The following OXR1 variants were observed in gnomAD, a reference collection of about 807,000 sequenced individuals.
The protein encoded by OXR1 is oxidation resistance protein 1.
In OXR1, 41 loss-of-function variants were observed where a neutral mutation model predicts 104.6. That is an observed-to-expected ratio of 0.39 (90% CI 0.31 to 0.51). The LOEUF (loss-of-function observed/expected upper bound fraction) is 0.51. Among genes scored for constraint, OXR1 ranks in the 20% least tolerant of loss-of-function variants. OXR1 has a pLI of 0.77. For synonymous variants in OXR1, 348 were observed against 348.4 expected (o/e 1.00, Z 0.01); for missense variants, 955 against 1,031.9 (o/e 0.93, Z 1.02).
chr8:106,625,109 TG>T (rs980089873), intron 3 of OXR1, among the ~76,000 whole-genome samples: 14 of 152,326 alleles, frequency 9.2e-5, no homozygotes, highest in African/African-American at 3.4e-4. Flanking sequence ...ATGTTATTTC[TG>T]TTTTGTGGAT....
chr8:106,466,904 T>G (rs1821202287), intron 2 of OXR1, among the ~76,000 whole-genome samples: 1 of 151,968 alleles, frequency 6.6e-6, no homozygotes, highest in African/African-American at 2.4e-5. Context: ...TTATTTGATA[T>G]TGTACAGCTG....
intron 3 of OXR1, among the ~76,000 whole-genome samples, chr8:106,663,831 C>A (rs1341707004): frequency 6.6e-6 from 1 of 152,198 alleles, no homozygotes; most frequent in Non-Finnish European, 1.5e-5. Flanking sequence ...CCCTTGCCCA[C>A]ATGTCCATAA....
chr8:106,530,587 T>TG (rs1197316044), intron 3 of OXR1, among the ~76,000 whole-genome samples: 1 of 152,152 alleles, frequency 6.6e-6, no homozygotes, highest in African/African-American at 2.4e-5. Context: ...CAGACACAAC[T>TG]GGGGGGAGAA....
chr8:106,279,788 C>A (rs1217469292), intron 1 of OXR1, among the ~76,000 whole-genome samples: 1 of 152,136 alleles, frequency 6.6e-6, no homozygotes, highest in Admixed American at 6.5e-5. Flanking sequence ...TATCAGAGTT[C>A]CTTCACTGAC....
chr8:106,485,688 C>CTTACATAATTACA (rs1810603316), intron 2 of OXR1, among the ~76,000 whole-genome samples: 1 of 151,904 alleles, frequency 6.6e-6, no homozygotes, highest in African/African-American at 2.4e-5. Context: ...TAATATGGCA[C>CTTACATAATTACA]TATTTACAAT....
chr8:106,513,447 T>C (rs1451680878), intron 2 of OXR1, among the ~76,000 whole-genome samples: 1 of 152,074 alleles, frequency 6.6e-6, no homozygotes, highest in Non-Finnish European at 1.5e-5. Flanking sequence ...GTGATCTATC[T>C]GATGGGTTTA....
At chr8:106,568,312 T>C (rs1255139754) in intron 3 of OXR1, among the ~76,000 whole-genome samples, 1 of 152,126 alleles carries the variant, frequency 6.6e-6, no homozygotes, top group East Asian at 1.9e-4. Flanking sequence ...GTATTTAAAG[T>C]TCCAATACTG....
At chr8:106,714,205 A>G (rs1234741793) in intron 11 of OXR1, among the ~76,000 whole-genome samples, 1 of 152,048 alleles carries the variant, frequency 6.6e-6, no homozygotes, top group Non-Finnish European at 1.5e-5. Flanking sequence ...TAGAAAACCC[A>G]CTAGCAATAA....
At chr8:106,313,524 T>C (rs1358243087) in intron 1 of OXR1, among the ~76,000 whole-genome samples, 2 of 152,194 alleles carry the variant, frequency 1.3e-5, no homozygotes, top group Non-Finnish European at 2.9e-5. Flanking sequence ...GCTGACACCA[T>C]GTTTTACTGT....
intron 2 of OXR1, among the ~76,000 whole-genome samples, chr8:106,368,637 G>A (rs545451780): frequency 1.4e-4 from 21 of 151,800 alleles, no homozygotes; most frequent in Non-Finnish European, 2.5e-4. Context: ...GCTTATGAGT[G>A]AGAACACACA....
At chr8:106,651,948 AT>A (rs1824612385) in intron 3 of OXR1, among the ~76,000 whole-genome samples, 1 of 151,866 alleles carries the variant, frequency 6.6e-6, no homozygotes, top group Non-Finnish European at 1.5e-5. Context: ...TATGTTTTGT[AT>A]TTTTCAGTAA....
At chr8:106,435,051 C>T (rs557200299) in intron 2 of OXR1, among the ~76,000 whole-genome samples, 4 of 152,092 alleles carry the variant, frequency 2.6e-5, no homozygotes, top group Admixed American at 6.6e-5. Context: ...GGTGTCACCT[C>T]TAAGGAAGTA....
chr8:106,411,773 C>T (rs1177080766), intron 2 of OXR1, among the ~76,000 whole-genome samples: 1 of 152,114 alleles, frequency 6.6e-6, no homozygotes, highest in African/African-American at 2.4e-5. Flanking sequence ...GCCTCTGAAC[C>T]TTTGTGATTA....
chr8:106,726,559 T>C (rs1345714308), intron 11 of OXR1, among the ~76,000 whole-genome samples: 1 of 152,190 alleles, frequency 6.6e-6, no homozygotes, highest in Non-Finnish European at 1.5e-5. Flanking sequence ...CAGGAAGATA[T>C]CAAATCTTAA....
chr8:106,327,405 A>G (rs1814515307), intron 1 of OXR1, among the ~76,000 whole-genome samples: 2 of 152,176 alleles, frequency 1.3e-5, no homozygotes, highest in Non-Finnish European at 2.9e-5. Context: ...TAATTCTAGC[A>G]TTATCTATTA....
At chr8:106,612,130 C>T (rs990880006) in intron 3 of OXR1, among the ~76,000 whole-genome samples, 4 of 151,602 alleles carry the variant, frequency 2.6e-5, no homozygotes. Flanking sequence ...TTGCTTTTTC[C>T]CTTTTCTCAT....
chr8:106,600,362 C>T (rs1235540621), intron 3 of OXR1, among the ~76,000 whole-genome samples: 4 of 152,170 alleles, frequency 2.6e-5, no homozygotes, highest in Non-Finnish European at 4.4e-5. Flanking sequence ...CAGTTTAGCC[C>T]GGCCTAGACT....
chr8:106,437,341 G>C (rs993746915), intron 2 of OXR1, among the ~76,000 whole-genome samples: 1 of 152,062 alleles, frequency 6.6e-6, no homozygotes, highest in Admixed American at 6.6e-5. Flanking sequence ...TAATTTCATA[G>C]ATATCTTTGC....
At chr8:106,608,448 G>A (rs1172905306) in intron 3 of OXR1, among the ~76,000 whole-genome samples, 3 of 152,114 alleles carry the variant, frequency 2.0e-5, no homozygotes, top group African/African-American at 7.2e-5. Flanking sequence ...GTTTCTGTGG[G>A]AGGCTAAAGA....
Sources: allele counts gnomAD v4.1 joint callset (sites outside exome capture counted in the v4.1 genomes callset), GRCh38; gene constraint gnomAD v4.1.1; transcripts MANE v1.5; gene names NCBI Gene and HGNC (gene_info 2026-07-23, HGNC 2026-07-21).